Variants in LRRC37A2 observed in about 807,000 individuals in gnomAD.
LRRC37A2 encodes the protein leucine-rich repeat-containing protein 37A2.
A neutral mutation model predicts 68.8 loss-of-function variants in LRRC37A2; 9 were observed. That is an observed-to-expected ratio of 0.13 (90% CI 0.08 to 0.23). The LOEUF is 0.23. LRRC37A2 is among the 10% of genes least tolerant of loss of function. The pLI is 1.00. For synonymous variants in LRRC37A2, 63 were observed against 367.6 expected (o/e 0.17, Z 9.48); for missense variants, 168 against 950.4 (o/e 0.18, Z 10.82).
chr17:46,535,153 C>G (rs1294474617), intron 6 of LRRC37A2, among the ~76,000 whole-genome samples: 67 of 149,000 alleles, frequency 4.5e-4, no homozygotes, highest in Non-Finnish European at 9.1e-4. Flanking sequence ...CTCAAGCCTC[C>G]CAAGGTACTG....
the LRRC37A2 span, among the ~76,000 whole-genome samples, chr17:46,420,960 C>T: frequency 5.9e-5 from 1 of 17,010 alleles, no homozygotes; most frequent in Admixed American, 4.1e-4. Flanking sequence ...CCACCACACC[C>T]GACTAATTTT....
chr17:46,860,638 C>A, the LRRC37A2 span, among the ~76,000 whole-genome samples: 3,722 of 152,184 alleles, frequency 0.024, 155 homozygotes, highest in African/African-American at 0.086. Context: ...ATAAGGATTC[C>A]AAGAAATCTA....
At chr17:46,951,268 A>C in the LRRC37A2 span, among the ~76,000 whole-genome samples, 1 of 152,160 alleles carries the variant, frequency 6.6e-6, no homozygotes, top group Non-Finnish European at 1.5e-5. Flanking sequence ...GGCCGCCCAC[A>C]GTGAAGTCTG....
chr17:46,854,036 C>T, the LRRC37A2 span, among the ~76,000 whole-genome samples: 434 of 152,250 alleles, frequency 2.9e-3, 1 homozygote, highest in Non-Finnish European at 4.5e-3. Flanking sequence ...GCCACCTCTT[C>T]CAGGTCAGGA....
the LRRC37A2 span, among the ~76,000 whole-genome samples, chr17:46,990,190 A>G: frequency 6.6e-6 from 1 of 152,214 alleles, no homozygotes; most frequent in Non-Finnish European, 1.5e-5. Flanking sequence ...TGCGGCAGAA[A>G]GGGTGAAGTC....
the LRRC37A2 span, chr17:46,770,121 G>A: frequency 6.8e-7 from 1 of 1,470,648 alleles, no homozygotes; most frequent in South Asian, 1.4e-5. Flanking sequence ...CACCTCCCAG[G>A]CCAGGACGTG....
chr17:46,771,693 C>T, the LRRC37A2 span, among the ~76,000 whole-genome samples: 1 of 143,716 alleles, frequency 7.0e-6, no homozygotes, highest in Non-Finnish European at 1.5e-5. Flanking sequence ...GCGGCTCCCG[C>T]GGCCGGGCCG....
the LRRC37A2 span, among the ~76,000 whole-genome samples, chr17:46,891,541 C>G: frequency 1.1e-3 from 175 of 152,322 alleles, no homozygotes; most frequent in African/African-American, 4.0e-3. Flanking sequence ...AAGGGGTACG[C>G]AGCCAGGGGC....
the LRRC37A2 span, among the ~76,000 whole-genome samples, chr17:46,502,588 C>A: frequency 2.6e-5 from 4 of 151,268 alleles, no homozygotes; most frequent in East Asian, 1.9e-4. Context: ...AGGCATGAGC[C>A]ACTGCTCCTG....
At chr17:47,024,967 C>T in the LRRC37A2 span, among the ~76,000 whole-genome samples, 1 of 149,650 alleles carries the variant, frequency 6.7e-6, no homozygotes, top group Non-Finnish European at 1.5e-5. Flanking sequence ...AAACATTTCA[C>T]ATGGTAAGAA....
At chr17:46,891,525 G>C in the LRRC37A2 span, among the ~76,000 whole-genome samples, 53 of 152,302 alleles carry the variant, frequency 3.5e-4, no homozygotes, top group African/African-American at 1.2e-3. Context: ...GATCTGAGAG[G>C]CTTCCAAGGG....
the LRRC37A2 span, among the ~76,000 whole-genome samples, chr17:46,787,979 G>C: frequency 2.0e-5 from 3 of 148,746 alleles, no homozygotes; most frequent in African/African-American, 7.4e-5. Flanking sequence ...AAAAAAAGAT[G>C]TAGCCTCCAC....
chr17:46,539,774 A>AAAAAAAAT, intron 6 of LRRC37A2, among the ~76,000 whole-genome samples: 1 of 143,234 alleles, frequency 7.0e-6, no homozygotes, highest in Middle Eastern at 3.5e-3. Flanking sequence ...ATCTCAAAAA[A>AAAAAAAAT]AAAAAAAAAA....
the LRRC37A2 span, among the ~76,000 whole-genome samples, chr17:46,920,625 C>T: frequency 3.9e-5 from 6 of 152,094 alleles, no homozygotes; most frequent in African/African-American, 1.4e-4. Context: ...GAGAAGTGTC[C>T]AAACCCAGTC....
the LRRC37A2 span, chr17:46,933,631 C>CTTTTTTTTTTTTT: frequency 2.2e-5 from 3 of 134,740 alleles, no homozygotes; most frequent in African/African-American, 5.7e-5. Context: ...GTGGCATAAC[C>CTTTTTTTTTTTTT]TTTTTTTTTT....
chr17:46,731,695 GAAGT>G, the LRRC37A2 span, among the ~76,000 whole-genome samples: 3 of 152,112 alleles, frequency 2.0e-5, no homozygotes, highest in Non-Finnish European at 4.4e-5. Flanking sequence ...AAATATGTAA[GAAGT>G]AAGAGATGTG....
the LRRC37A2 span, chr17:46,711,006 A>T: frequency 1.3e-6 from 2 of 1,597,122 alleles, no homozygotes; most frequent in South Asian, 2.3e-5. Context: ...TACATTATGA[A>T]CGGTATCATC....
At chr17:46,792,235 G>T in the LRRC37A2 span, among the ~76,000 whole-genome samples, 1 of 152,230 alleles carries the variant, frequency 6.6e-6, no homozygotes, top group Non-Finnish European at 1.5e-5. Context: ...CACCATGGGT[G>T]GGAGGAGGTG....
the LRRC37A2 span, among the ~76,000 whole-genome samples, chr17:46,849,215 T>A: frequency 6.6e-6 from 1 of 152,238 alleles, no homozygotes; most frequent in Non-Finnish European, 1.5e-5. Context: ...TTTCTCACTC[T>A]CCAGCCACTG....
Sources: allele counts gnomAD v4.1 joint callset (sites outside exome capture counted in the v4.1 genomes callset), GRCh38; gene constraint gnomAD v4.1.1; transcripts MANE v1.5; gene names NCBI Gene and HGNC (gene_info 2026-07-23, HGNC 2026-07-21).